NTM: variants seen among roughly 807,000 people sequenced by gnomAD.
The protein encoded by NTM is neurotrimin.
Under a neutral mutation model 42.1 loss-of-function variants are expected in NTM, and 13 were observed. That is an observed-to-expected ratio of 0.31 (90% confidence interval 0.20 to 0.49). The LOEUF (loss-of-function observed/expected upper bound fraction) is 0.49, where lower values mean the gene tolerates loss of function less well. Among genes scored for constraint, NTM ranks in the 20% least tolerant of loss-of-function variants. The pLI is 0.99. For missense variants in NTM, 373 were observed against 452.8 expected, an observed-to-expected ratio of 0.82 and a Z score of 1.60; for synonymous variants, 187 against 179.2, an observed-to-expected ratio of 1.04 and a Z score of -0.35.
At chr11:131,717,208 C>T (rs1224685246) in intron 1 of NTM, among the ~76,000 whole-genome samples, 1 of 152,138 alleles carries the variant, frequency 6.6e-6, no homozygotes, top group Non-Finnish European at 1.5e-5. Flanking sequence ...ATTGTTTTGA[C>T]TATTCTGTAT....
intron 2 of NTM, among the ~76,000 whole-genome samples, chr11:132,134,234 C>T (rs529344186): frequency 3.9e-5 from 6 of 152,272 alleles, no homozygotes; most frequent in Admixed American, 2.6e-4. Context: ...ATACCCGTAT[C>T]TTTGGATACC....
intron 1 of NTM, among the ~76,000 whole-genome samples, chr11:131,375,138 C>T (rs767016797): frequency 2.6e-5 from 4 of 152,124 alleles, no homozygotes; most frequent in African/African-American, 9.7e-5. Context: ...GGGACATGTA[C>T]ATCTAAGCTC....
chr11:131,503,272 AG>A (rs1349627543), intron 1 of NTM, among the ~76,000 whole-genome samples: 1 of 152,192 alleles, frequency 6.6e-6, no homozygotes, highest in Non-Finnish European at 1.5e-5. Flanking sequence ...GGCTGTCTGC[AG>A]GTAGACCAGC....
chr11:131,496,420 C>G (rs1490432872), intron 1 of NTM, among the ~76,000 whole-genome samples: 2 of 152,208 alleles, frequency 1.3e-5, no homozygotes, highest in South Asian at 2.1e-4. Context: ...AAAGGTCCAC[C>G]CTTTGTGATA....
intron 3 of NTM, among the ~76,000 whole-genome samples, chr11:132,196,117 A>G (rs1402118606): frequency 6.6e-6 from 1 of 152,200 alleles, no homozygotes; most frequent in Non-Finnish European, 1.5e-5. Flanking sequence ...AAATAACCCC[A>G]TTAAAAAATA....
chr11:131,670,462 G>T (rs61610852), intron 1 of NTM, among the ~76,000 whole-genome samples: 7,949 of 150,898 alleles, frequency 0.053, 699 homozygotes, highest in African/African-American at 0.18. Context: ...CATTCATGTA[G>T]TATTCTGTGG....
intron 1 of NTM, among the ~76,000 whole-genome samples, chr11:131,745,977 C>T (rs1220641700): frequency 6.6e-6 from 1 of 152,092 alleles, no homozygotes; most frequent in Non-Finnish European, 1.5e-5. Context: ...TTCTGCTGCC[C>T]CCTTTATCAC....
intron 2 of NTM, among the ~76,000 whole-genome samples, chr11:132,028,135 T>C (rs1490725667): frequency 6.6e-6 from 1 of 152,096 alleles, no homozygotes; most frequent in Non-Finnish European, 1.5e-5. Context: ...CTTTTTCCAT[T>C]AGAACTCTTA....
Position 132,003,783 on chromosome 11 carries a change from C to G in NTM, c.167+92135C>G, listed in dbSNP as rs150130969. ...TACACAGAGAAATCCCTGAGCTTTACTTTTTCTGGACCTGCCACTTACAGA... is the reference window on the plus strand; with the variant it reads ...TACACAGAGAAATCCCTGAGCTTTAGTTTTTCTGGACCTGCCACTTACAGA... On this transcript the variant is annotated intron_variant, in intron 2 of 8. Coordinates refer to ENST00000683400, the MANE Select transcript of NTM (RefSeq NM_001352005.2). The surrounding 1 kb of genome is among the most constrained non-coding windows in gnomAD (Gnocchi z 6.0). 1.3e-3 allele frequency among the ~76,000 whole-genome samples: 203 copies of G among 152,324 alleles called. No individual in the cohort carries two copies. The highest frequency in any genetic ancestry group is 4.8e-3 in the African/African-American group (198 of 41,568).
At chr11:132,028,301 C>T (rs1205712547) in intron 2 of NTM, among the ~76,000 whole-genome samples, 1 of 150,698 alleles carries the variant, frequency 6.6e-6, no homozygotes, top group Non-Finnish European at 1.5e-5. Context: ...TCTTTAAAGC[C>T]AGACATGATA....
intron 2 of NTM, among the ~76,000 whole-genome samples, chr11:131,944,407 G>A (rs1031759600): frequency 6.6e-6 from 1 of 152,210 alleles, no homozygotes; most frequent in Non-Finnish European, 1.5e-5. Context: ...GCAGGTCACT[G>A]CTTCATGCAC....
intron 4 of NTM, among the ~76,000 whole-genome samples, chr11:132,246,313 A>G (rs930463540): frequency 1.3e-5 from 2 of 152,242 alleles, no homozygotes; most frequent in Non-Finnish European, 2.9e-5. Flanking sequence ...ACAATCGCAC[A>G]GTGAAAGTCA....
At chr11:132,276,278 T>C (rs999654324) in intron 4 of NTM, among the ~76,000 whole-genome samples, 4 of 152,136 alleles carry the variant, frequency 2.6e-5, no homozygotes, top group African/African-American at 9.7e-5. Flanking sequence ...ATCTTGTCTA[T>C]TGTGAATAAT....
intron 1 of NTM, among the ~76,000 whole-genome samples, chr11:131,414,288 G>A (rs902538231): frequency 6.6e-6 from 1 of 152,166 alleles, no homozygotes; most frequent in African/African-American, 2.4e-5. Flanking sequence ...GCAGAGGCTG[G>A]AGAGCTGAGG....
chr11:132,179,513 C>T (rs138530473), intron 3 of NTM, among the ~76,000 whole-genome samples: 99 of 152,152 alleles, frequency 6.5e-4, no homozygotes, highest in African/African-American at 1.9e-3. Flanking sequence ...TGGGGCAGTC[C>T]GGAAGGGCCT....
At chr11:131,776,472 A>G (rs942013299) in intron 1 of NTM, among the ~76,000 whole-genome samples, 3 of 152,192 alleles carry the variant, frequency 2.0e-5, no homozygotes, top group Non-Finnish European at 4.4e-5. Flanking sequence ...AACAAGGGTG[A>G]CAGTTTTACC....
intron 4 of NTM, among the ~76,000 whole-genome samples, chr11:132,300,766 A>C (rs1423123716): frequency 2.0e-5 from 3 of 151,980 alleles, no homozygotes; most frequent in Admixed American, 1.3e-4. Flanking sequence ...CCTGCCTGGG[A>C]CCCTCCGTTT....
chr11:131,834,361 T>C (rs922023762), intron 1 of NTM, among the ~76,000 whole-genome samples: 3 of 152,106 alleles, frequency 2.0e-5, no homozygotes, highest in African/African-American at 2.4e-5. Context: ...AATTCCATGG[T>C]TTCTGCATCT....
chr11:131,516,887 C>T (rs1419023680), intron 1 of NTM, among the ~76,000 whole-genome samples: 1 of 152,130 alleles, frequency 6.6e-6, no homozygotes, highest in Non-Finnish European at 1.5e-5. Context: ...TAAGTGGTTT[C>T]CACAGTAGAT....
Sources: allele counts gnomAD v4.1 joint callset (sites outside exome capture counted in the v4.1 genomes callset), GRCh38; gene constraint gnomAD v4.1.1; non-coding constraint Gnocchi (gnomAD v3.1); transcripts MANE v1.5; gene names NCBI Gene and HGNC (gene_info 2026-07-23, HGNC 2026-07-21).